Variants in DOCK10 observed in about 807,000 individuals in gnomAD.
The protein encoded by DOCK10 is dedicator of cytokinesis 10, also known as dedicator of cytokinesis protein 10.
In DOCK10, 145 loss-of-function variants were observed where a neutral mutation model predicts 280.1. The observed-to-expected ratio is 0.52, with a 90% confidence interval of 0.45 to 0.59. DOCK10 has a LOEUF of 0.59. Ranked by LOEUF, DOCK10 falls within the 20% of genes least tolerant of loss-of-function variation. DOCK10 has a pLI of 0.00. For missense variants in DOCK10, 2,368 were observed against 2,651.7 expected (o/e 0.89, Z 2.35); for synonymous variants, 915 against 942.2 (o/e 0.97, Z 0.53).
chr2:224,833,655 A>ATC (rs57683084), intron 26 of DOCK10, among the ~76,000 whole-genome samples: 44,162 of 149,092 alleles, frequency 0.3, 7,579 homozygotes, highest in African/African-American at 0.48. Flanking sequence ...CTATCTATGT[A>ATC]TCTCTCTCTC....
chr2:224,880,009 G>A (rs1698884108), intron 7 of DOCK10, among the ~76,000 whole-genome samples: 2 of 152,148 alleles, frequency 1.3e-5, no homozygotes, highest in Admixed American at 6.5e-5. Flanking sequence ...CAAATTAAAG[G>A]TGGATTGAGT....
chr2:224,765,844 AC>A lies in DOCK10; in HGVS notation c.6445-8del. On this transcript the variant is annotated splice_region_variant and splice_polypyrimidine_tract_variant and intron_variant, in intron 55 of 55. Coordinates refer to ENST00000258390, the MANE Select transcript of DOCK10 (RefSeq NM_014689.3). The stretch of plus-strand genomic sequence containing the variant: ...GGTCGTCCCTGCCCGTAATCTTAAA[AC>A]AGGGAAAAACACAACACAACAGAAT... The A allele has an allele frequency of 6.2e-7, 1 of 1,606,012 alleles. No individual in the cohort carries two copies.
intron 1 of DOCK10, among the ~76,000 whole-genome samples, chr2:225,014,083 T>A (rs374559368): frequency 5.3e-4 from 16 of 29,940 alleles, no homozygotes; most frequent in South Asian, 1.5e-3. Flanking sequence ...CTGAATATAT[T>A]GTTTTTTTTT....
chr2:224,830,261 G>A lies in DOCK10; in HGVS notation c.3036+280C>T, dbSNP rs532582329. ...CTTCCTTCCCCCTTTTCATTTACAG[G>A]TATCAGACTTTCCCATTTCTTTTTC... On this transcript the variant is annotated intron_variant, in intron 27 of 55. Transcript: ENST00000258390. Among the ~76,000 whole-genome samples the A allele has an allele frequency of 2.0e-3, 300 of 152,176 alleles. 2 individuals carry two copies. In the Middle Eastern group the frequency reaches 0.02, roughly 10 times the overall value.
intron 3 of DOCK10, among the ~76,000 whole-genome samples, chr2:224,915,543 A>T (rs1210076975): frequency 6.6e-6 from 1 of 152,252 alleles, no homozygotes; most frequent in Non-Finnish European, 1.5e-5. Context: ...GTACAGTCAT[A>T]TTTGTATTAA....
intron 3 of DOCK10, among the ~76,000 whole-genome samples, chr2:224,916,071 T>C (rs1701292270): frequency 6.6e-6 from 1 of 152,246 alleles, no homozygotes; most frequent in African/African-American, 2.4e-5. Flanking sequence ...CCCTTGGTGA[T>C]ACATGAGCCC....
At chr2:224,923,448 A>C (rs1169455903) in intron 2 of DOCK10, among the ~76,000 whole-genome samples, 1 of 152,228 alleles carries the variant, frequency 6.6e-6, no homozygotes, top group Non-Finnish European at 1.5e-5. Flanking sequence ...GGAAGATGTG[A>C]GCATTAATAG....
In DOCK10 at chr2:224,863,835, G is replaced by T. The variant is rs377664976; in HGVS notation, c.1602+718C>A. On this transcript the variant is annotated intron_variant, in intron 13 of 55. Coordinates refer to ENST00000258390, the MANE Select transcript of DOCK10 (RefSeq NM_014689.3). ...AGAAGAAAGTAGAAACATATTACCT[G>T]TAGTTCCACCATTCAAAGCACAGCA... Among the ~76,000 whole-genome samples the T allele has an allele frequency of 5.6e-4, 86 of 152,328 alleles. 1 individual carries two copies. The highest frequency in any genetic ancestry group is 2.0e-3 in the African/African-American group (85 of 41,568).
intron 1 of DOCK10, among the ~76,000 whole-genome samples, chr2:224,976,173 G>T (rs1377853960): frequency 6.6e-6 from 1 of 151,776 alleles, no homozygotes; most frequent in East Asian, 1.9e-4. Context: ...TCATAAGTGG[G>T]AGTTGAACAA....
intron 11 of DOCK10, among the ~76,000 whole-genome samples, chr2:224,871,765 C>T (rs1162468707): frequency 6.6e-6 from 1 of 152,192 alleles, no homozygotes; most frequent in Non-Finnish European, 1.5e-5. Context: ...TTCAAAATCA[C>T]CTCTGCCGAG....
intron 1 of DOCK10, among the ~76,000 whole-genome samples, chr2:224,974,801 CATATATATTATATATATAATAT>C (rs1471923413): frequency 2.6e-5 from 2 of 75,982 alleles, no homozygotes; most frequent in Admixed American, 1.6e-4. Context: ...CTATATATAT[CATATATATTATATATATAATAT>C]ATATATATTA....
intron 1 of DOCK10, among the ~76,000 whole-genome samples, chr2:225,013,413 C>T (rs931349005): frequency 5.9e-5 from 9 of 152,078 alleles, no homozygotes; most frequent in Non-Finnish European, 1.0e-4. Context: ...TCACAGTATC[C>T]GAAAGTACTA....
At chr2:225,031,863 AG>A (rs1690087728) in intron 1 of DOCK10, among the ~76,000 whole-genome samples, 1 of 152,174 alleles carries the variant, frequency 6.6e-6, no homozygotes, top group South Asian at 2.1e-4. Context: ...TAAGGTCAGA[AG>A]AACCTGACTT....
At chr2:225,033,769 A>C (rs570493219) in intron 1 of DOCK10, among the ~76,000 whole-genome samples, 1 of 152,326 alleles carries the variant, frequency 6.6e-6, no homozygotes, top group South Asian at 2.1e-4. Flanking sequence ...CTTATTTGTA[A>C]ACAAGAACAC....
intron 8 of DOCK10, 43 bp from the exon 9 acceptor site, chr2:224,874,794 G>A (rs1177227212): frequency 1.9e-6 from 3 of 1,539,306 alleles, no homozygotes; most frequent in South Asian, 2.2e-5. Flanking sequence ...TATTACTCAC[G>A]AGTCACACAT....
chr2:224,778,099 C>A, intron 51 of DOCK10, 39 bp downstream of exon 51: 1 of 1,585,138 alleles, frequency 6.3e-7, no homozygotes, highest in South Asian at 1.1e-5. Flanking sequence ...AAAACTCAGT[C>A]AATTCTTAGC....
chr2:224,975,249 C>G (rs1705364176), intron 1 of DOCK10, among the ~76,000 whole-genome samples: 1 of 152,116 alleles, frequency 6.6e-6, no homozygotes, highest in Non-Finnish European at 1.5e-5. Flanking sequence ...AGAGAGAAGC[C>G]ATTCAATTCA....
At chr2:224,984,927 G>A (rs1288922672) in intron 1 of DOCK10, among the ~76,000 whole-genome samples, 4 of 150,702 alleles carry the variant, frequency 2.7e-5, no homozygotes, top group Non-Finnish European at 5.9e-5. Flanking sequence ...CTGCAACCTC[G>A]GCCTCCCAGG....
At chr2:224,939,880 C>G (rs529744316) in intron 1 of DOCK10, among the ~76,000 whole-genome samples, 1 of 152,270 alleles carries the variant, frequency 6.6e-6, no homozygotes, top group South Asian at 2.1e-4. Context: ...CCTTTCCTAC[C>G]TGTGGCTACT....
Sources: allele counts gnomAD v4.1 joint callset (sites outside exome capture counted in the v4.1 genomes callset), GRCh38; gene constraint gnomAD v4.1.1; transcripts MANE v1.5; gene names NCBI Gene and HGNC (gene_info 2026-07-23, HGNC 2026-07-21).